Variants in KALRN observed in about 807,000 individuals in gnomAD.
The protein encoded by KALRN is kalirin RhoGEF kinase, also known as kalirin.
KALRN carries 70 observed loss-of-function variants against 353.7 expected under a neutral mutation model. The ratio of observed to expected loss-of-function variants is 0.20; its 90% CI spans 0.16 to 0.24. The LOEUF is 0.24. Among genes scored for constraint, KALRN ranks in the 10% least tolerant of loss-of-function variants. KALRN has a pLI of 1.00. For missense variants in KALRN, 2,791 were observed against 3,756.7 expected (o/e 0.74, Z 6.72); for synonymous variants, 1,391 against 1,434.8 (o/e 0.97, Z 0.69).
chr3:124,197,310 C>CT (rs1478700158), intron 1 of KALRN, among the ~76,000 whole-genome samples: 1 of 152,212 alleles, frequency 6.6e-6, no homozygotes, highest in African/African-American at 2.4e-5. Context: ...AAGATGCTTA[C>CT]TTTCTGCAGG....
intron 1 of KALRN, among the ~76,000 whole-genome samples, chr3:124,113,483 T>A (rs2063179691): frequency 6.6e-6 from 1 of 152,178 alleles, no homozygotes; most frequent in African/African-American, 2.4e-5. Context: ...AAGAGGATAA[T>A]CAAAAGTTGA....
intron 1 of KALRN, among the ~76,000 whole-genome samples, chr3:124,165,455 C>G (rs1578844708): frequency 6.6e-6 from 1 of 151,912 alleles, no homozygotes; most frequent in Non-Finnish European, 1.5e-5. Context: ...CGTTCAATTA[C>G]CAAGGCTGAT....
intron 1 of KALRN, among the ~76,000 whole-genome samples, chr3:124,116,562 G>T (rs917401661): frequency 6.6e-6 from 1 of 152,086 alleles, no homozygotes; most frequent in African/African-American, 2.4e-5. Flanking sequence ...CCTCTCTTCT[G>T]TCCAGAAATG....
At chr3:124,602,245 G>A (rs1247798547) in intron 34 of KALRN, among the ~76,000 whole-genome samples, 1 of 152,136 alleles carries the variant, frequency 6.6e-6, no homozygotes, top group African/African-American at 2.4e-5. Context: ...GAAGTCAGAA[G>A]TCCCCCAAAT....
intron 6 of KALRN, among the ~76,000 whole-genome samples, chr3:124,304,118 T>C (rs16835267): frequency 0.081 from 9,369 of 116,236 alleles, 928 homozygotes; most frequent in East Asian, 0.52. Context: ...ATTTCTAGAT[T>C]TTGTTGTAAA....
chr3:124,357,711 G>T (rs1190912148), intron 10 of KALRN, among the ~76,000 whole-genome samples: 3 of 152,082 alleles, frequency 2.0e-5, no homozygotes, highest in African/African-American at 7.2e-5. Flanking sequence ...AGTTACTCTG[G>T]TCATATCTCT....
At chr3:124,550,382 AT>A (rs2070331482) in intron 33 of KALRN, among the ~76,000 whole-genome samples, 1 of 152,150 alleles carries the variant, frequency 6.6e-6, no homozygotes, top group Admixed American at 6.5e-5. Flanking sequence ...TTGTGATCAG[AT>A]CCCATTACTT....
intron 5 of KALRN, among the ~76,000 whole-genome samples, chr3:124,277,732 C>T (rs1394866485): frequency 6.6e-6 from 1 of 152,180 alleles, no homozygotes; most frequent in Non-Finnish European, 1.5e-5. Context: ...GAAGAATGCT[C>T]AGGCATGAGG....
intron 11 of KALRN, among the ~76,000 whole-genome samples, chr3:124,387,481 T>C (rs140619959): frequency 6.6e-6 from 1 of 152,358 alleles, no homozygotes; most frequent in Admixed American, 6.5e-5. Flanking sequence ...GAAAAATTAA[T>C]AATTTGCCCA....
intron 8 of KALRN, among the ~76,000 whole-genome samples, chr3:124,331,372 G>T (rs2080533796): frequency 6.6e-6 from 1 of 152,106 alleles, no homozygotes. Context: ...ACCAAGTATG[G>T]CATATTCTCA....
At position 124,671,857 on chromosome 3, in the gene KALRN, T is replaced by G; in HGVS notation, c.6901T>G (p.Phe2301Val). ...KISTSNGSPG[F>V]EYHQPGDKFE... is the part of the protein sequence containing the mutation. ...ATCTACCTCCAATGGCAGTCCAGGG[T>G]TTGAATACCACCAGCCTGGGGACAA... is the stretch of plus-strand genomic sequence containing the variant. Residue 2301 changes from phenylalanine (F) to valine (V), a missense_variant, in exon 48 of 60, where the codon TTT becomes GTT. Around this residue, in one of 11 missense-constraint regions of KALRN, gnomAD observed 1,065 missense variants for 1,156.4 expected, o/e 0.92. Transcript: ENST00000682506. 1 of 1,613,978 alleles carries G rather than the reference T, an allele frequency of 6.2e-7. No individual in the cohort carries two copies. Among genetic ancestry groups the G allele is most frequent in the Non-Finnish European group, 8.5e-7 (1 of 1,179,994 alleles).
intron 10 of KALRN, among the ~76,000 whole-genome samples, chr3:124,368,143 ACC>A (rs1249431204): frequency 2.6e-5 from 1 of 39,130 alleles, no homozygotes; most frequent in Non-Finnish European, 4.6e-5. Context: ...CGGGGGGCTG[ACC>A]CCCCCCACCT....
chr3:124,160,007 A>G (rs2069666485), intron 1 of KALRN, among the ~76,000 whole-genome samples: 1 of 151,988 alleles, frequency 6.6e-6, no homozygotes, highest in South Asian at 2.1e-4. Context: ...ATTGAATTTG[A>G]CATACCTTGG....
At chr3:124,351,622 A>AC (rs2082843972) in intron 10 of KALRN, among the ~76,000 whole-genome samples, 1 of 152,200 alleles carries the variant, frequency 6.6e-6, no homozygotes, top group African/African-American at 2.4e-5. Context: ...AAGCCCCTGA[A>AC]CAAATACATT....
rs115746316 is a variant in KALRN at position 124,228,572 on chromosome 3, C to G, written c.148+508C>G. Among the ~76,000 whole-genome samples, 860 of 152,280 alleles carry G rather than the reference C, an allele frequency of 5.6e-3. 9 individuals carry two copies. Among genetic ancestry groups the G allele is most frequent in the African/African-American group, 0.02 (826 of 41,558 alleles). On this transcript the variant is annotated intron_variant, in intron 2 of 59. Transcript: ENST00000682506. ...TTCTCTCTCCCATACATCTTGTGCA[C>G]AAAGACCTCTTAATGTCTCACTCTG...
At chr3:124,278,457 A>AGG (rs980537063) in intron 5 of KALRN, among the ~76,000 whole-genome samples, 5 of 90,440 alleles carry the variant, frequency 5.5e-5, no homozygotes, top group Non-Finnish European at 9.4e-5. Context: ...AGGACACTTC[A>AGG]GGTGTGTGTG....
At chr3:124,565,814 G>T (rs185097791) in intron 34 of KALRN, among the ~76,000 whole-genome samples, 1 of 152,326 alleles carries the variant, frequency 6.6e-6, no homozygotes, top group African/African-American at 2.4e-5. Context: ...AGAGAGCAGT[G>T]TCAGAGTCAA....
rs1179231128 is a variant in KALRN at position 124,081,564 on chromosome 3, A to G, written c.73+47751A>G. On this transcript the variant is annotated intron_variant, in intron 1 of 59. Transcript: ENST00000682506. ...AACAGGCAGATCGCTTGAACCTAGG[A>G]GTTCAAGACCAGGCTGGGCAACATA... Among the ~76,000 whole-genome samples the G allele has an allele frequency of 2.6e-5, 4 of 152,298 alleles. No individual in the cohort carries two copies. In the East Asian group the frequency reaches 7.7e-4, roughly 29 times the overall value.
chr3:124,095,233 A>T (rs1016746945), intron 1 of KALRN, among the ~76,000 whole-genome samples: 2 of 152,066 alleles, frequency 1.3e-5, no homozygotes, highest in African/African-American at 4.8e-5. Context: ...TCTTGATAGA[A>T]CTCTCTGAGA....
Sources: allele counts gnomAD v4.1 joint callset (sites outside exome capture counted in the v4.1 genomes callset), GRCh38; gene constraint gnomAD v4.1.1; regional missense constraint gnomAD v4.1.1; transcripts MANE v1.5; gene names NCBI Gene and HGNC (gene_info 2026-07-23, HGNC 2026-07-21).